SPTBN1: variants seen among roughly 807,000 people sequenced by gnomAD.
SPTBN1 encodes spectrin beta chain, non-erythrocytic 1.
In SPTBN1, 32 loss-of-function variants were observed where a neutral mutation model predicts 266.4. The observed-to-expected ratio is 0.12, with a 90% CI of 0.09 to 0.16. The LOEUF is 0.16. SPTBN1 is among the 10% of genes least tolerant of loss of function. The probability of loss-of-function intolerance (pLI) is 1.00; values close to 1 mark genes in which losing one functional copy is unlikely to be tolerated. For synonymous variants in SPTBN1, 1,336 were observed against 1,162.2 expected (o/e 1.15, Z -3.04); for missense variants, 2,296 against 3,067.1 (o/e 0.75, Z 5.94).
chr2:54,589,623 C>G (rs1034109484), intron 2 of SPTBN1, among the ~76,000 whole-genome samples: 2 of 152,214 alleles, frequency 1.3e-5, no homozygotes, highest in African/African-American at 4.8e-5. Context: ...ACTATTGTAA[C>G]TCAAATTCTA....
intron 2 of SPTBN1, among the ~76,000 whole-genome samples, chr2:54,530,540 G>A (rs570487790): frequency 3.3e-5 from 5 of 151,378 alleles, no homozygotes; most frequent in Non-Finnish European, 2.9e-5. Flanking sequence ...TGTATTTTTC[G>A]TAGAGACGGG....
chr2:54,544,774 T>C (rs1423613923), intron 2 of SPTBN1, among the ~76,000 whole-genome samples: 1 of 152,178 alleles, frequency 6.6e-6, no homozygotes, highest in African/African-American at 2.4e-5. Flanking sequence ...CTTTTATTTT[T>C]TTATTTTTAT....
At chr2:54,600,364 G>C (rs1165940754) in intron 3 of SPTBN1, among the ~76,000 whole-genome samples, 4 of 152,154 alleles carry the variant, frequency 2.6e-5, no homozygotes, top group Non-Finnish European at 5.9e-5. Context: ...TTTCATCCAT[G>C]CCCTTTGTTC....
In SPTBN1 at chr2:54,645,909, T is replaced by C; in HGVS notation, c.4495-19T>C. The C allele has an allele frequency of 6.2e-7, 1 of 1,613,942 alleles. No homozygotes were observed. Among genetic ancestry groups the C allele is most frequent in the Non-Finnish European group, 8.5e-7 (1 of 1,179,822 alleles). On this transcript the variant is annotated intron_variant, in intron 21 of 35. Coordinates refer to ENST00000356805, the MANE Select transcript of SPTBN1 (RefSeq NM_003128.3). This position sits in a 1 kb window ranked among gnomAD's most constrained non-coding sequence, Gnocchi z 4.3. ...GTTCCTCTGAGTGGATCTGACCACT[T>C]ATTTAAAATTCTTCCCAGTTGTGGG...
chr2:54,664,498 G>C lies in SPTBN1; in HGVS notation c.6466G>C (p.Glu2156Gln). 6.2e-7 allele frequency: 1 copy of C among 1,614,166 alleles called. No homozygotes were observed. The highest frequency in any genetic ancestry group is 8.5e-7 in the Non-Finnish European group (1 of 1,180,020). Reference sequence around the variant, plus strand: ...AAGCGAAATGGTCAACGGCGCTACAGAACAAAGGACGAGCTCTAAAGAGTC... The same window carrying C: ...AAGCGAAATGGTCAACGGCGCTACACAACAAAGGACGAGCTCTAAAGAGTC... ...DTSEMVNGAT[E>Q]QRTSSKESSP... is the part of the protein sequence containing the mutation. The change falls in exon 33 of 36, where the codon GAA (glutamate) becomes CAA (glutamine). Residue 2156 changes from glutamate (E) to glutamine (Q), a missense_variant. Glu to Gln is a conservative substitution (Grantham distance 29). Transcript: ENST00000356805. The surrounding 1 kb of genome is among the most constrained non-coding windows in gnomAD (Gnocchi z 5.6).
In SPTBN1 at chr2:54,668,479, C is replaced by T. The variant is rs775253924; in HGVS notation, c.7005C>T (p.Thr2335=). Residue 2335 remains threonine (T), a synonymous_variant, in exon 36 of 36, where the codon ACC becomes ACT. Coordinates refer to ENST00000356805, the MANE Select transcript of SPTBN1 (RefSeq NM_003128.3). ...AGACCCTCCCCACCAGCGTCGTCACCATCACCAGCGAGTCCAGTCCCGGCA... is the reference window on the plus strand; with the variant it reads ...AGACCCTCCCCACCAGCGTCGTCACTATCACCAGCGAGTCCAGTCCCGGCA... ...RAQTLPTSVV[T]ITSESSPGKR... 6.2e-7 allele frequency: 1 copy of T among 1,614,218 alleles called. No homozygotes were observed. Among genetic ancestry groups the T allele is most frequent in the Non-Finnish European group, 8.5e-7 (1 of 1,180,036 alleles).
intron 2 of SPTBN1, among the ~76,000 whole-genome samples, chr2:54,596,996 C>A (rs926021382): frequency 5.9e-5 from 9 of 152,198 alleles, no homozygotes; most frequent in African/African-American, 2.2e-4. Context: ...GAGATTCACC[C>A]AAAAGAGTGA....
chr2:54,667,295 T>G (rs1007450043), intron 34 of SPTBN1, among the ~76,000 whole-genome samples: 8 of 152,232 alleles, frequency 5.3e-5, no homozygotes, highest in Admixed American at 1.3e-4. Context: ...CAGTAAGTGA[T>G]CAGGCATCCA....
At chr2:54,524,924 A>G (rs989407718) in intron 1 of SPTBN1, among the ~76,000 whole-genome samples, 3 of 151,382 alleles carry the variant, frequency 2.0e-5, no homozygotes, top group Admixed American at 6.6e-5. Flanking sequence ...ACCAGATCTA[A>G]AAATAGTCAC....
At chr2:54,625,129 T>C (rs545928275) in intron 11 of SPTBN1, among the ~76,000 whole-genome samples, 167 bp downstream of exon 11, 1 of 152,360 alleles carries the variant, frequency 6.6e-6, no homozygotes, top group East Asian at 1.9e-4. Context: ...TTATAATTTC[T>C]AATATACATT....
At chr2:54,544,389 A>T (rs753150845) in intron 2 of SPTBN1, among the ~76,000 whole-genome samples, 16 of 152,190 alleles carry the variant, frequency 1.1e-4, no homozygotes, top group Non-Finnish European at 2.1e-4. Flanking sequence ...ATATTAGCAA[A>T]TTATGAGTAA....
In SPTBN1 at chr2:54,629,350, G is replaced by C. The variant is rs762626546; in HGVS notation, c.2216G>C (p.Arg739Pro). 1.9e-6 allele frequency: 3 copies of C among 1,614,040 alleles called. No homozygotes were observed. The highest frequency in any genetic ancestry group is 2.5e-6 in the Non-Finnish European group (3 of 1,180,018). Residue 739 changes from arginine to proline, a missense_variant, in exon 14 of 36, where the codon CGC (arginine) becomes CCC (proline). Physicochemically the swap from Arg to Pro is moderately radical, Grantham distance 103. Around this residue, in one of 12 missense-constraint regions of SPTBN1, gnomAD observed 434 missense variants for 573.9 expected, o/e 0.76. Coordinates refer to ENST00000356805, the MANE Select transcript of SPTBN1 (RefSeq NM_003128.3). ...CAGCTCTCGGCCATTCGGAAGAAGC[G>C]CCTGGAGGAGGCCTCCCTGCTGCAC... Reference protein sequence around the residue: ...LEQLSAIRKKRLEEASLLHQF... With the variant: ...LEQLSAIRKKPLEEASLLHQF...
intron 24 of SPTBN1, among the ~76,000 whole-genome samples, chr2:54,647,468 T>G (rs1052464579): frequency 6.6e-6 from 1 of 152,210 alleles, no homozygotes; most frequent in Non-Finnish European, 1.5e-5. Context: ...GAAATTGCTC[T>G]TGTGGGTTAA....
Position 54,493,854 on chromosome 2 carries a change from T to A in SPTBN1, c.-47-32518T>A, listed in dbSNP as rs183153834. 3.8e-3 allele frequency among the ~76,000 whole-genome samples: 580 copies of A among 152,354 alleles called. 4 individuals are homozygous for A. The highest frequency in any genetic ancestry group is 0.013 in the African/African-American group (556 of 41,582). ...CTTAAACTGGAGACCCCTGATACCT[T>A]ACATTCAAATGTGAGTGATGATAGG... On this transcript the variant is annotated intron_variant, in intron 1 of 35. Coordinates refer to ENST00000356805, the MANE Select transcript of SPTBN1 (RefSeq NM_003128.3).
At chr2:54,478,401 G>A (rs1181497385) in intron 1 of SPTBN1, among the ~76,000 whole-genome samples, 3 of 152,144 alleles carry the variant, frequency 2.0e-5, no homozygotes, top group South Asian at 2.1e-4. Flanking sequence ...CTGGTCAAAT[G>A]TTGGGGAGTT....
chr2:54,551,841 GTTATT>G (rs1672583714), intron 2 of SPTBN1, among the ~76,000 whole-genome samples: 2 of 150,564 alleles, frequency 1.3e-5, no homozygotes, highest in African/African-American at 2.4e-5. Context: ...TTTTTTTCTT[GTTATT>G]TTGAGTCCTG....
intron 2 of SPTBN1, among the ~76,000 whole-genome samples, chr2:54,548,439 C>T (rs1672376269): frequency 6.6e-6 from 1 of 152,164 alleles, no homozygotes; most frequent in Admixed American, 6.5e-5. Context: ...AGATATCACT[C>T]ATCTAGCACT....
intron 1 of SPTBN1, among the ~76,000 whole-genome samples, chr2:54,492,431 C>T (rs1297952177): frequency 6.7e-6 from 1 of 148,556 alleles, no homozygotes; most frequent in Non-Finnish European, 1.5e-5. Flanking sequence ...TTGCCTTTTC[C>T]CCTAGATCCC....
At chr2:54,617,271 A>G in intron 5 of SPTBN1, among the ~76,000 whole-genome samples, 1 of 152,186 alleles carries the variant, frequency 6.6e-6, no homozygotes, top group East Asian at 1.9e-4. Flanking sequence ...CTTTGTAGGT[A>G]GAGTAGAAAG....
Sources: allele counts gnomAD v4.1 joint callset (sites outside exome capture counted in the v4.1 genomes callset), GRCh38; gene constraint gnomAD v4.1.1; regional missense constraint gnomAD v4.1.1; non-coding constraint Gnocchi (gnomAD v3.1); transcripts MANE v1.5; gene names NCBI Gene and HGNC (gene_info 2026-07-23, HGNC 2026-07-21).